The following APAF1 variants were observed in gnomAD, a reference collection of about 807,000 sequenced individuals.
APAF1 encodes the protein apoptotic peptidase activating factor 1.
In APAF1, 91 loss-of-function variants were observed where a neutral mutation model predicts 152.4. The ratio of observed to expected loss-of-function variants is 0.60; its 90% CI spans 0.50 to 0.71. The LOEUF (loss-of-function observed/expected upper bound fraction) is 0.71, where lower values mean the gene tolerates loss of function less well. Ranked by LOEUF, APAF1 falls within the 30% of genes least tolerant of loss-of-function variation. The pLI is 0.00. For missense variants in APAF1, 1,283 were observed against 1,472.0 expected (o/e 0.87, Z 2.10); for synonymous variants, 484 against 494.1 (o/e 0.98, Z 0.27).
intron 22 of APAF1, among the ~76,000 whole-genome samples, chr12:98,718,520 C>T (rs943288865): frequency 6.6e-6 from 1 of 152,162 alleles, no homozygotes; most frequent in South Asian, 2.1e-4. Context: ...GTGTGAGCCA[C>T]CGTGCCCGGC....
At chr12:98,673,040 G>A (rs1178346707) in intron 12 of APAF1, among the ~76,000 whole-genome samples, 4 of 152,054 alleles carry the variant, frequency 2.6e-5, no homozygotes, top group Admixed American at 2.0e-4. Context: ...TTACAGGCGT[G>A]AGCCACTGCA....
intron 10 of APAF1, 57 bp from the exon 11 acceptor site, chr12:98,670,916 A>T: frequency 1.0e-6 from 1 of 976,154 alleles, no homozygotes; most frequent in South Asian, 1.3e-5. Context: ...ATGATGTTAT[A>T]CCTAAAATTT....
At chr12:98,673,125 T>C (rs1390615811) in intron 12 of APAF1, among the ~76,000 whole-genome samples, 1 of 152,018 alleles carries the variant, frequency 6.6e-6, no homozygotes, top group African/African-American at 2.4e-5. Flanking sequence ...AATGAGAAAA[T>C]TGAGGCACAG....
At chr12:98,648,977 C>G in intron 3 of APAF1, 162 bp downstream of exon 3, 1 of 808,606 alleles carries the variant, frequency 1.2e-6, no homozygotes, top group Non-Finnish European at 2.0e-6. Context: ...TTATTTGCAT[C>G]CACATTAACT....
Position 98,712,378 on chromosome 12 carries a change from T to G in APAF1, c.2901T>G (p.Cys967Trp). The change falls in exon 21 of 27, where the codon TGT becomes TGG. Residue 967 changes from cysteine (C) to tryptophan (W), a missense_variant. Coordinates refer to ENST00000551964, the MANE Select transcript of APAF1 (RefSeq NM_181861.2). ...TGACTGAAGCTCAAGTTAGCTGCTGTTGCTTAAGTCCACATCTTCAGTACA... is the reference window on the plus strand; with the variant it reads ...TGACTGAAGCTCAAGTTAGCTGCTGGTGCTTAAGTCCACATCTTCAGTACA... The part of the protein sequence containing the change: ...DYLTEAQVSC[C>W]CLSPHLQYIA... 6.2e-7 allele frequency: 1 copy of G among 1,613,818 alleles called. No homozygotes were observed. The highest frequency in any genetic ancestry group is 8.5e-7 in the Non-Finnish European group (1 of 1,179,746).
chr12:98,670,088 G>C (rs900841043), intron 10 of APAF1, among the ~76,000 whole-genome samples: 7 of 152,038 alleles, frequency 4.6e-5, no homozygotes, highest in Non-Finnish European at 1.0e-4. Context: ...GGGAGCACGG[G>C]TGTGCACCAC....
intron 7 of APAF1, among the ~76,000 whole-genome samples, chr12:98,663,701 C>G (rs1269032734): frequency 6.6e-6 from 1 of 151,920 alleles, no homozygotes; most frequent in Non-Finnish European, 1.5e-5. Context: ...CTCTGTCGTC[C>G]AGGCTGGAGT....
chr12:98,668,197 T>C (rs2097675834), intron 10 of APAF1, among the ~76,000 whole-genome samples: 1 of 152,224 alleles, frequency 6.6e-6, no homozygotes, highest in African/African-American at 2.4e-5. Context: ...TATAATTTTT[T>C]ATTAGTAAAA....
Position 98,688,230 on chromosome 12 carries a change from A to G in APAF1, c.2304+1357A>G, listed in dbSNP as rs991061124. Among the ~76,000 whole-genome samples the G allele has an allele frequency of 3.9e-4, 60 of 152,256 alleles. 1 individual carries two copies. Among genetic ancestry groups the G allele is most frequent in the African/African-American group, 1.4e-3 (57 of 41,552 alleles). ...ATAAGATTCCCAATTCCACTTTATT[A>G]TTCCTGTCTCTATTGTCTCTCCTGT... On this transcript the variant is annotated intron_variant, in intron 16 of 26. Coordinates refer to ENST00000551964, the MANE Select transcript of APAF1 (RefSeq NM_181861.2).
intron 15 of APAF1, 48 bp downstream of exon 15, chr12:98,683,322 C>A: frequency 6.3e-7 from 1 of 1,576,976 alleles, no homozygotes; most frequent in Non-Finnish European, 8.7e-7. Context: ...ATTCGTACAT[C>A]AGAGTATCTC....
intron 19 of APAF1, 137 bp downstream of exon 19, chr12:98,706,747 G>A (rs1593093220): frequency 9.9e-7 from 1 of 1,013,054 alleles, no homozygotes; most frequent in East Asian, 2.5e-5. Flanking sequence ...CCCTGGAAAA[G>A]TGCTGTTATA....
At position 98,735,126 on chromosome 12, in the gene APAF1, A is replaced by AGAT; in HGVS notation, c.*2561_*2563dup. On this transcript the variant is annotated 3_prime_UTR_variant, in exon 27 of 27. Coordinates refer to ENST00000551964, the MANE Select transcript of APAF1 (RefSeq NM_181861.2). ...AGACAAGGTAACATGAAGAAAGAAG[A>AGAT]GATACCTAGTATGATGGAGCTGCAA... 1 of 398,672 alleles carries AGAT rather than the reference A, an allele frequency of 2.5e-6. No homozygotes were observed. The highest frequency in any genetic ancestry group is 3.6e-5 in the East Asian group (1 of 28,070). 24.7% of individuals were successfully genotyped at this position (398,672 alleles called of 1,614,324 possible). A position where few individuals can be genotyped will look rare whatever the true frequency, so the allele number is the denominator to read the frequency against.
chr12:98,732,216 G>A (rs1021468172), intron 26 of APAF1, among the ~76,000 whole-genome samples: 1 of 152,174 alleles, frequency 6.6e-6, no homozygotes, highest in Non-Finnish European at 1.5e-5. Context: ...GGGTGTAGGC[G>A]GAGCAGTGAG....
chr12:98,649,053 A>G, intron 3 of APAF1: 1 of 748,278 alleles, frequency 1.3e-6, no homozygotes, highest in Non-Finnish European at 2.1e-6. Context: ...CCTAATTTTT[A>G]GAGACAATAA....
At chr12:98,665,274 ATATATTT>A (rs1419147692) in intron 7 of APAF1, among the ~76,000 whole-genome samples, 1,176 of 107,482 alleles carry the variant, frequency 0.011, 19 homozygotes, top group African/African-American at 0.041. Context: ...ATATATATAT[ATATATTT>A]TTTTTTTTTT....
intron 7 of APAF1, 25 bp downstream of exon 7, chr12:98,662,831 G>A (rs759065424): frequency 6.3e-7 from 1 of 1,592,004 alleles, no homozygotes; most frequent in East Asian, 2.2e-5. Context: ...TTGTTTATGA[G>A]GAGATTATAG....
intron 18 of APAF1, 27 bp downstream of exon 18, chr12:98,703,526 GC>G: frequency 6.2e-7 from 1 of 1,613,834 alleles, no homozygotes; most frequent in Non-Finnish European, 8.5e-7. Context: ...ATTCTGTGAA[GC>G]CTGGGTTTCC....
chr12:98,721,587 A>G (rs948563234), intron 22 of APAF1, among the ~76,000 whole-genome samples: 1 of 152,154 alleles, frequency 6.6e-6, no homozygotes, highest in African/African-American at 2.4e-5. Context: ...TTCCCCCAGC[A>G]TATCTCATTG....
intron 14 of APAF1, among the ~76,000 whole-genome samples, chr12:98,682,341 C>T (rs1245337144): frequency 1.3e-5 from 2 of 152,200 alleles, no homozygotes; most frequent in Non-Finnish European, 2.9e-5. Context: ...GCGTGAGCCA[C>T]CGCGCCCGGC....
Sources: allele counts gnomAD v4.1 joint callset (sites outside exome capture counted in the v4.1 genomes callset), GRCh38; gene constraint gnomAD v4.1.1; transcripts MANE v1.5; gene names NCBI Gene and HGNC (gene_info 2026-07-23, HGNC 2026-07-21).